Variants in BMAL1 observed in about 807,000 individuals in gnomAD.
BMAL1 encodes the protein basic helix-loop-helix ARNT like 1.
the BMAL1 span, chr11:13,379,708 A>G: frequency 6.6e-6 from 1 of 152,252 alleles, no homozygotes; most frequent in Non-Finnish European, 1.5e-5. Context: ...AGGGTTTGCA[A>G]TAAGAGTGGA....
chr11:13,364,322 A>G, the BMAL1 span, among the ~76,000 whole-genome samples: 1 of 152,342 alleles, frequency 6.6e-6, no homozygotes, highest in South Asian at 2.1e-4. Flanking sequence ...GTCTTAAGCA[A>G]CAGTGATTCT....
At chr11:13,376,782 T>C in the BMAL1 span, 56 of 1,532,096 alleles carry the variant, frequency 3.7e-5, no homozygotes, top group Admixed American at 1.8e-4. Context: ...GTGCTTGTGG[T>C]CAAATATCCT....
chr11:13,330,041 CGGACAGAT>C, the BMAL1 span, among the ~76,000 whole-genome samples: 5 of 152,306 alleles, frequency 3.3e-5, no homozygotes, highest in East Asian at 9.6e-4. Flanking sequence ...CTTAGGCAGA[CGGACAGAT>C]GGGTGAGTGG....
At chr11:13,309,791 G>C in the BMAL1 span, among the ~76,000 whole-genome samples, 1 of 152,114 alleles carries the variant, frequency 6.6e-6, no homozygotes, top group African/African-American at 2.4e-5. Context: ...CAGTTCCATG[G>C]GTACTGAGAG....
chr11:13,359,926 T>G, the BMAL1 span, among the ~76,000 whole-genome samples: 16 of 152,308 alleles, frequency 1.1e-4, no homozygotes, highest in South Asian at 2.1e-4. Context: ...CTGAATGGTT[T>G]CCCAAGAACA....
the BMAL1 span, among the ~76,000 whole-genome samples, chr11:13,324,962 C>T: frequency 1.3e-5 from 2 of 152,108 alleles, no homozygotes; most frequent in African/African-American, 2.4e-5. Flanking sequence ...ATTACTTTAG[C>T]GGCTGTGAAA....
chr11:13,294,962 T>C, the BMAL1 span, among the ~76,000 whole-genome samples: 3 of 152,234 alleles, frequency 2.0e-5, no homozygotes, highest in East Asian at 5.8e-4. Context: ...TGCAGCTTCC[T>C]CTTCCTCTTT....
chr11:13,340,942 C>T, the BMAL1 span, among the ~76,000 whole-genome samples: 2 of 152,196 alleles, frequency 1.3e-5, no homozygotes, highest in African/African-American at 4.8e-5. Flanking sequence ...ACAGATGAGG[C>T]ATCTCTAGCT....
chr11:13,328,440 C>T, the BMAL1 span, among the ~76,000 whole-genome samples: 4 of 152,144 alleles, frequency 2.6e-5, no homozygotes, highest in Non-Finnish European at 5.9e-5. Context: ...ATGAGCCTCT[C>T]TTTGGAACAT....
chr11:13,277,238 A>G, the BMAL1 span, among the ~76,000 whole-genome samples: 2 of 152,214 alleles, frequency 1.3e-5, 1 homozygote, highest in African/African-American at 4.8e-5. Context: ...GGAGTCAGGA[A>G]CTGCTGCTTT....
At chr11:13,347,430 A>G in the BMAL1 span, among the ~76,000 whole-genome samples, 6 of 152,200 alleles carry the variant, frequency 3.9e-5, no homozygotes, top group African/African-American at 1.4e-4. Flanking sequence ...AAGTACCAAA[A>G]TCTATATTAG....
At chr11:13,376,213 C>CT in the BMAL1 span, among the ~76,000 whole-genome samples, 1 of 152,212 alleles carries the variant, frequency 6.6e-6, no homozygotes. Flanking sequence ...CAAAAGGCTG[C>CT]TACCTGCTAG....
chr11:13,331,125 AT>A, the BMAL1 span, among the ~76,000 whole-genome samples: 1 of 152,198 alleles, frequency 6.6e-6, no homozygotes, highest in Non-Finnish European at 1.5e-5. Context: ...GAGCTACTGT[AT>A]TAAACAGATA....
At chr11:13,358,784 G>A in the BMAL1 span, among the ~76,000 whole-genome samples, 1 of 152,220 alleles carries the variant, frequency 6.6e-6, no homozygotes, top group African/African-American at 2.4e-5. Flanking sequence ...GTTTTGACAT[G>A]CAATTTTGCA....
At chr11:13,334,528 GT>G in the BMAL1 span, among the ~76,000 whole-genome samples, 96 of 145,606 alleles carry the variant, frequency 6.6e-4, no homozygotes, top group African/African-American at 2.0e-3. Context: ...GGCTCTTGAT[GT>G]TTTTTTTTTT....
At chr11:13,312,150 A>G in the BMAL1 span, among the ~76,000 whole-genome samples, 1 of 152,230 alleles carries the variant, frequency 6.6e-6, no homozygotes, top group African/African-American at 2.4e-5. Flanking sequence ...CTCATTATGT[A>G]CTAAGTCCAG....
At chr11:13,371,862 ACCT>A in the BMAL1 span, among the ~76,000 whole-genome samples, 4 of 151,696 alleles carry the variant, frequency 2.6e-5, no homozygotes, top group African/African-American at 9.7e-5. Context: ...TTCTTGATCC[ACCT>A]CCTCTACTGG....
the BMAL1 span, among the ~76,000 whole-genome samples, chr11:13,329,315 A>C: frequency 3.5e-4 from 54 of 152,300 alleles, no homozygotes; most frequent in African/African-American, 1.2e-3. Context: ...CCCTCCAAGT[A>C]TATAGGTCTC....
At chr11:13,317,716 G>A in the BMAL1 span, among the ~76,000 whole-genome samples, 1 of 152,178 alleles carries the variant, frequency 6.6e-6, no homozygotes, top group African/African-American at 2.4e-5. Context: ...TCACAAGTAT[G>A]TTAGAAATAC....
Sources: allele counts gnomAD v4.1 joint callset (sites outside exome capture counted in the v4.1 genomes callset), GRCh38; gene constraint gnomAD v4.1.1; transcripts MANE v1.5; gene names NCBI Gene and HGNC (gene_info 2026-07-23, HGNC 2026-07-21).